The following DLG2 variants were observed in gnomAD, a reference collection of about 807,000 sequenced individuals.
DLG2 encodes the protein discs large MAGUK scaffold protein 2.
A neutral mutation model predicts 132.5 loss-of-function variants in DLG2; 45 were observed. The observed-to-expected ratio is 0.34, with a 90% CI of 0.27 to 0.44. DLG2 has a LOEUF of 0.44. Ranked by LOEUF, DLG2 falls within the 20% of genes least tolerant of loss-of-function variation. DLG2 has a pLI of 1.00. For synonymous variants in DLG2, 424 were observed against 419.6 expected, an observed-to-expected ratio of 1.01 and a Z score of -0.13; for missense variants, 1,045 against 1,196.9, an observed-to-expected ratio of 0.87 and a Z score of 1.87.
chr11:83,469,201 T>G lies in DLG2; in HGVS notation c.2619A>C (p.Arg873Ser). The G allele has an allele frequency of 1.2e-6, 2 of 1,602,496 alleles. No individual in the cohort carries two copies. The highest frequency in any genetic ancestry group is 1.7e-6 in the Non-Finnish European group (2 of 1,174,600). ...SVQSVRFVAE[R>S]GKHCILDVSG... The stretch of plus-strand genomic sequence containing the variant: ...GGTGTAAGAAGATTGGTGAACATAC[T>G]CTTTCTGCTACAAATCTCACAGACT... The change falls in exon 25 of 28, where the codon AGA (arginine) becomes AGC (serine). Residue 873 changes from arginine (R) to serine (S), a missense_variant and splice_region_variant. By Grantham distance (110) the Arg-to-Ser change is moderately radical (BLOSUM62 -1). This residue lies in a region of DLG2 where 398 missense variants were observed against 543.6 expected (regional missense o/e 0.73). Coordinates refer to ENST00000376104, the MANE Select transcript of DLG2 (RefSeq NM_001142699.3).
At chr11:83,775,123 T>C (rs986617815) in intron 18 of DLG2, among the ~76,000 whole-genome samples, 59 of 152,198 alleles carry the variant, frequency 3.9e-4, no homozygotes, top group African/African-American at 1.4e-3. Context: ...CGTTCTCATT[T>C]ACAACTGGGT....
intron 7 of DLG2, among the ~76,000 whole-genome samples, chr11:84,263,438 A>C (rs973992504): frequency 1.3e-5 from 2 of 152,188 alleles, no homozygotes; most frequent in Non-Finnish European, 1.5e-5. Context: ...AGGCACCTCA[A>C]AAATCTATAT....
At chr11:83,808,589 G>T (rs1021624521) in intron 17 of DLG2, among the ~76,000 whole-genome samples, 4 of 152,178 alleles carry the variant, frequency 2.6e-5, no homozygotes, top group Non-Finnish European at 5.9e-5. Context: ...AGCCCTTGCT[G>T]TTCTTGGCAC....
intron 6 of DLG2, among the ~76,000 whole-genome samples, chr11:84,998,110 A>G (rs2057843576): frequency 6.6e-6 from 1 of 152,060 alleles, no homozygotes; most frequent in Non-Finnish European, 1.5e-5. Context: ...ATTTCTTCCT[A>G]TCATATTAGG....
intron 6 of DLG2, among the ~76,000 whole-genome samples, chr11:85,007,499 A>G (rs2058769164): frequency 6.6e-6 from 1 of 151,328 alleles, no homozygotes; most frequent in Non-Finnish European, 1.5e-5. Context: ...TCTCTACTAA[A>G]AAAAAACACA....
chr11:84,741,108 C>G (rs1339330747), intron 6 of DLG2, among the ~76,000 whole-genome samples: 1 of 141,108 alleles, frequency 7.1e-6, no homozygotes, highest in East Asian at 2.0e-4. Flanking sequence ...GTTCTGTCGC[C>G]CAGGCGGGAG....
intron 6 of DLG2, among the ~76,000 whole-genome samples, chr11:85,069,939 G>T (rs2065551860): frequency 6.6e-6 from 1 of 152,060 alleles, no homozygotes. Context: ...TTAAGAAAAT[G>T]TGGCACATAT....
intron 15 of DLG2, among the ~76,000 whole-genome samples, chr11:83,927,103 C>T (rs574134608): frequency 1.6e-4 from 25 of 152,224 alleles, no homozygotes; most frequent in African/African-American, 5.1e-4. Context: ...CTAGGTAAAG[C>T]GCAGCTTGAG....
intron 10 of DLG2, among the ~76,000 whole-genome samples, chr11:84,060,979 C>T (rs2096582655): frequency 6.6e-6 from 1 of 152,180 alleles, no homozygotes; most frequent in Admixed American, 6.5e-5. Context: ...TGTTACCTTT[C>T]AATCCATTCA....
intron 6 of DLG2, among the ~76,000 whole-genome samples, chr11:84,631,547 G>C (rs1234032821): frequency 6.6e-6 from 1 of 152,068 alleles, no homozygotes; most frequent in Non-Finnish European, 1.5e-5. Context: ...ATGTTGCAGT[G>C]ATCAAATGAG....
At chr11:83,518,513 G>A (rs762264936) in intron 21 of DLG2, among the ~76,000 whole-genome samples, 3 of 152,154 alleles carry the variant, frequency 2.0e-5, no homozygotes, top group Non-Finnish European at 4.4e-5. Flanking sequence ...GCCTCACCCT[G>A]CTTCGGCTCA....
At chr11:85,200,659 G>T (rs2081393737) in intron 4 of DLG2, among the ~76,000 whole-genome samples, 1 of 152,124 alleles carries the variant, frequency 6.6e-6, no homozygotes. Context: ...AGGTGGTCCA[G>T]TCTCAGCTTA....
intron 7 of DLG2, among the ~76,000 whole-genome samples, chr11:84,418,792 C>T (rs761152084): frequency 4.6e-5 from 7 of 152,144 alleles, no homozygotes; most frequent in African/African-American, 9.7e-5. Context: ...GCTCTTATCC[C>T]GTTGCTTTCC....
chr11:84,298,312 G>T (rs1054165076), intron 7 of DLG2, among the ~76,000 whole-genome samples: 1 of 152,100 alleles, frequency 6.6e-6, no homozygotes, highest in African/African-American at 2.4e-5. Flanking sequence ...TTGATATAAG[G>T]TATATTTTAA....
At chr11:83,486,237 T>C in intron 21 of DLG2, 1 of 691,808 alleles carries the variant, frequency 1.4e-6, no homozygotes, top group Non-Finnish European at 2.6e-6. Context: ...TTCAAGCATA[T>C]TTAAACTCCA....
intron 7 of DLG2, among the ~76,000 whole-genome samples, chr11:84,388,727 G>A (rs1159914226): frequency 2.6e-5 from 4 of 151,848 alleles, no homozygotes; most frequent in African/African-American, 7.3e-5. Flanking sequence ...CGAGGAAGAA[G>A]AGAATAAAGA....
intron 4 of DLG2, among the ~76,000 whole-genome samples, chr11:85,266,386 G>A (rs1253435097): frequency 2.0e-5 from 3 of 152,074 alleles, no homozygotes; most frequent in Non-Finnish European, 1.5e-5. Context: ...GCATGTTCTC[G>A]CTCATAACTG....
At chr11:83,671,821 A>T (rs1290480322) in intron 18 of DLG2, among the ~76,000 whole-genome samples, 3 of 152,182 alleles carry the variant, frequency 2.0e-5, no homozygotes, top group Admixed American at 2.0e-4. Context: ...AAATATTACC[A>T]ATAACTTTTC....
At chr11:83,984,900 A>G (rs903913998) in intron 11 of DLG2, among the ~76,000 whole-genome samples, 1 of 152,108 alleles carries the variant, frequency 6.6e-6, no homozygotes, top group African/African-American at 2.4e-5. Context: ...TAGCCACCCT[A>G]TTGCACTACT....
Sources: gnomAD v4.1 joint callset for allele counts (sites outside exome capture counted in the v4.1 genomes callset) on GRCh38, gnomAD v4.1.1 for gene constraint, gnomAD v4.1.1 regional missense constraint, MANE v1.5 for transcripts, NCBI Gene and HGNC (gene_info 2026-07-23, HGNC 2026-07-21) for gene names.